The following AQR variants were observed in gnomAD, a reference collection of about 807,000 sequenced individuals.
The protein encoded by AQR is aquarius intron-binding spliceosomal factor.
A neutral mutation model predicts 180.5 loss-of-function variants in AQR; 61 were observed. That is an observed-to-expected ratio of 0.34 (90% confidence interval 0.28 to 0.42). The LOEUF is 0.42. Ranked by LOEUF, AQR falls within the 10% of genes least tolerant of loss-of-function variation. The pLI, the probability that AQR is intolerant of heterozygous loss-of-function variation, is 1.00. For missense variants in AQR, 1,281 were observed against 1,798.3 expected, an observed-to-expected ratio of 0.71 and a Z score of 5.20; for synonymous variants, 551 against 588.8, an observed-to-expected ratio of 0.94 and a Z score of 0.93.
intron 24 of AQR, among the ~76,000 whole-genome samples, chr15:34,886,949 C>G (rs922170624): frequency 4.0e-5 from 6 of 151,646 alleles, no homozygotes; most frequent in Non-Finnish European, 2.9e-5. Context: ...ATGGTGAAAC[C>G]CTGTCTCTAC....
At chr15:34,941,470 G>C (rs371836538) in intron 7 of AQR, among the ~76,000 whole-genome samples, 1 of 152,058 alleles carries the variant, frequency 6.6e-6, no homozygotes, top group Non-Finnish European at 1.5e-5. Flanking sequence ...CCCATCAACT[G>C]GTGCTTATAA....
Position 34,897,540 on chromosome 15 carries a change from T to C in AQR, c.2390+19A>G. ...AAACTATTGTTCATCATTACAATTATAATAGGTAGTAAAATTACCGTTTGG... is the reference window on the plus strand; with the variant it reads ...AAACTATTGTTCATCATTACAATTACAATAGGTAGTAAAATTACCGTTTGG... On this transcript the variant is annotated intron_variant, in intron 21 of 34. Transcript: ENST00000156471. The C allele has an allele frequency of 6.2e-7, 1 of 1,611,994 alleles. No individual in the cohort carries two copies. Among genetic ancestry groups the C allele is most frequent in the Non-Finnish European group, 8.5e-7 (1 of 1,178,256 alleles).
intron 2 of AQR, among the ~76,000 whole-genome samples, chr15:34,963,105 G>A (rs1026656328): frequency 1.3e-5 from 2 of 152,130 alleles, no homozygotes; most frequent in Non-Finnish European, 2.9e-5. Context: ...TCAGCTTCCA[G>A]AGCAATTGAT....
intron 25 of AQR, among the ~76,000 whole-genome samples, chr15:34,885,505 A>T (rs1006268112): frequency 2.6e-5 from 4 of 152,188 alleles, no homozygotes; most frequent in Admixed American, 6.5e-5. Flanking sequence ...CTCGTAAACA[A>T]CTTTCCTGAT....
At chr15:34,968,255 ATTT>A (rs11315761) in intron 1 of AQR, among the ~76,000 whole-genome samples, 5 of 143,706 alleles carry the variant, frequency 3.5e-5, no homozygotes, top group Non-Finnish European at 4.6e-5. Flanking sequence ...GAAGGAAGAG[ATTT>A]TTTTTTTTTT....
intron 4 of AQR, among the ~76,000 whole-genome samples, chr15:34,949,697 C>T (rs1021242604): frequency 2.7e-5 from 4 of 150,748 alleles, no homozygotes; most frequent in Admixed American, 1.3e-4. Context: ...TGGCTGACAC[C>T]TGTAATCCCA....
chr15:34,891,164 A>T (rs890210967), intron 23 of AQR, among the ~76,000 whole-genome samples: 1 of 152,174 alleles, frequency 6.6e-6, no homozygotes, highest in African/African-American at 2.4e-5. Flanking sequence ...GAAACTGAAG[A>T]GATTTAACAT....
chr15:34,927,660 A>T (rs1893785083), intron 12 of AQR, among the ~76,000 whole-genome samples: 1 of 121,872 alleles, frequency 8.2e-6, no homozygotes, highest in Non-Finnish European at 2.1e-5. Flanking sequence ...GCACAGAGTG[A>T]CTGAGATAAT....
chr15:34,913,916 T>C (rs1259736193), intron 16 of AQR, among the ~76,000 whole-genome samples: 1 of 152,268 alleles, frequency 6.6e-6, no homozygotes, highest in African/African-American at 2.4e-5. Context: ...TGCTTTGTGT[T>C]GTATTTTATA....
chr15:34,924,197 C>G (rs566352509), intron 13 of AQR, among the ~76,000 whole-genome samples: 1 of 152,202 alleles, frequency 6.6e-6, no homozygotes, highest in Admixed American at 6.5e-5. Context: ...TTTGATAAAG[C>G]TTATCAAAAT....
At position 34,857,000 on chromosome 15, in the gene AQR, A is replaced by G; in HGVS notation, c.4250T>C (p.Ile1417Thr). The change falls in exon 35 of 35, where the codon ATC becomes ACC. Residue 1417 changes from isoleucine to threonine, a missense_variant. Physicochemically the swap from Ile to Thr is moderately conservative, Grantham distance 89 (BLOSUM62 -1). This residue lies in a region of AQR where 182 missense variants were observed against 185.3 expected (regional missense o/e 0.98). Transcript: ENST00000156471. ...GCTGGTGTCTGTTGGACTGGGTATGATGTCAGCTTGAACAGTCATGGCCTC... is the reference window on the plus strand; with the variant it reads ...GCTGGTGTCTGTTGGACTGGGTATGGTGTCAGCTTGAACAGTCATGGCCTC... ...EEEAMTVQAD[I>T]IPSPTDTSCR... is the part of the protein sequence containing the mutation. The G allele has an allele frequency of 6.2e-7, 1 of 1,613,978 alleles. No homozygotes were observed. Among genetic ancestry groups the G allele is most frequent in the South Asian group, 1.1e-5 (1 of 91,066 alleles).
intron 1 of AQR, among the ~76,000 whole-genome samples, chr15:34,966,456 A>T (rs2050310065): frequency 6.6e-6 from 1 of 152,218 alleles, no homozygotes; most frequent in Admixed American, 6.5e-5. Context: ...TTCTTCTTGG[A>T]AATTCTTTCC....
At chr15:34,883,330 G>C (rs11855671) in intron 26 of AQR, among the ~76,000 whole-genome samples, 41 of 152,206 alleles carry the variant, frequency 2.7e-4, no homozygotes, top group African/African-American at 9.6e-4. Context: ...ATCCCCAACA[G>C]AGCAGAAAAG....
chr15:34,919,771 A>G (rs1893655829), intron 14 of AQR, among the ~76,000 whole-genome samples: 1 of 152,100 alleles, frequency 6.6e-6, no homozygotes, highest in Admixed American at 6.5e-5. Flanking sequence ...GGTGGCACAC[A>G]TCTGTAATAC....
intron 19 of AQR, among the ~76,000 whole-genome samples, chr15:34,901,338 C>T (rs910742160): frequency 5.9e-5 from 9 of 151,754 alleles, no homozygotes; most frequent in South Asian, 2.1e-4. Flanking sequence ...TGTGATGAAA[C>T]GTCACAACTT....
At chr15:34,946,461 G>A (rs1269716348) in intron 5 of AQR, among the ~76,000 whole-genome samples, 1 of 118,350 alleles carries the variant, frequency 8.4e-6, no homozygotes, top group Admixed American at 8.6e-5. Context: ...CCGGCCAGCC[G>A]CCCCGTCCAG....
Position 34,938,926 on chromosome 15 carries a change from G to A in AQR, c.642-113C>T, listed in dbSNP as rs1337921026. ...ATTGTTCAACTGTTCATTTCTTTGT[G>A]AAGCTGGGACTATAACTTCAATATA... On this transcript the variant is annotated intron_variant, in intron 8 of 34. Transcript: ENST00000156471. 7 of 734,474 alleles carry A rather than the reference G, an allele frequency of 9.5e-6. No homozygotes were observed. The South Asian group carries it at 1.1e-4, about 11-fold the overall frequency. 45.5% of individuals were successfully genotyped at this position (734,474 alleles called of 1,614,324 possible).
intron 2 of AQR, among the ~76,000 whole-genome samples, chr15:34,962,195 G>GTA (rs2050283628): frequency 1.3e-5 from 2 of 151,754 alleles, no homozygotes; most frequent in Non-Finnish European, 2.9e-5. Context: ...CTAATTTTTT[G>GTA]TATTTTTGGT....
At chr15:34,942,213 G>C (rs892400315) in intron 6 of AQR, 133 bp from the exon 7 acceptor site, 26 of 499,624 alleles carry the variant, frequency 5.2e-5, no homozygotes, top group African/African-American at 4.9e-4. Flanking sequence ...TTAATATTTT[G>C]ATATTAAGAA....
Sources: allele counts gnomAD v4.1 joint callset (sites outside exome capture counted in the v4.1 genomes callset), GRCh38; gene constraint gnomAD v4.1.1; regional missense constraint gnomAD v4.1.1; transcripts MANE v1.5; gene names NCBI Gene and HGNC (gene_info 2026-07-23, HGNC 2026-07-21).